Variants in POU2F1 observed in about 807,000 individuals in gnomAD.
POU2F1 encodes POU class 2 homeobox 1, also known as POU domain, class 2, transcription factor 1.
Under a neutral mutation model 84.9 loss-of-function variants are expected in POU2F1, and 16 were observed. The ratio of observed to expected loss-of-function variants is 0.19; its 90% confidence interval spans 0.13 to 0.29. POU2F1 has a LOEUF of 0.29. Among genes scored for constraint, POU2F1 ranks in the 10% least tolerant of loss-of-function variants. The pLI, the probability that POU2F1 is intolerant of heterozygous loss-of-function variation, is 1.00. For missense variants in POU2F1, 738 were observed against 942.6 expected (o/e 0.78, Z 2.84); for synonymous variants, 368 against 368.3 (o/e 1.00, Z 0.01).
In POU2F1 at chr1:167,425,731, G is replaced by T. The variant is rs537474835; in HGVS notation, c.*9921G>T. 7 of 152,388 alleles carry T rather than the reference G, an allele frequency of 4.6e-5. No individual in the cohort carries two copies. The highest frequency in any genetic ancestry group is 1.2e-4 in the African/African-American group (5 of 41,548). The allele number at this position is 152,388 out of a possible 1,614,324, so 9.4% of individuals were successfully genotyped here. Reference sequence around the variant, plus strand: ...CTCTGCTGGGTGCTTTAACCTCTGGGGCTGGGCGAATGCACGCCACGGTGC... The same window carrying T: ...CTCTGCTGGGTGCTTTAACCTCTGGTGCTGGGCGAATGCACGCCACGGTGC... On this transcript the variant is annotated 3_prime_UTR_variant, in exon 16 of 16. Coordinates refer to ENST00000367866, the MANE Select transcript of POU2F1 (RefSeq NM_002697.4).
intron 1 of POU2F1, among the ~76,000 whole-genome samples, chr1:167,236,067 A>T (rs1649429825): frequency 6.6e-6 from 1 of 151,746 alleles, no homozygotes; most frequent in Non-Finnish European, 1.5e-5. Flanking sequence ...GATGAAAAAC[A>T]CTTCATTGCT....
chr1:167,377,296 G>C (rs1660393315), intron 7 of POU2F1, among the ~76,000 whole-genome samples: 1 of 152,100 alleles, frequency 6.6e-6, no homozygotes, highest in Non-Finnish European at 1.5e-5. Context: ...TTATTTAAGA[G>C]TCATTAATGG....
Position 167,412,169 on chromosome 1 carries a change from C to T in POU2F1, c.1766C>T (p.Ala589Val). 1 of 1,614,142 alleles carries T rather than the reference C, an allele frequency of 6.2e-7. No individual in the cohort carries two copies. The highest frequency in any genetic ancestry group is 1.6e-4 in the Middle Eastern group (1 of 6,062). Reference sequence around the variant, plus strand: ...GGGACCAGCCAGGTGATGGTGACAGCATCAGGTTTGCAAACAGCAGCAGCT... The same window carrying T: ...GGGACCAGCCAGGTGATGGTGACAGTATCAGGTTTGCAAACAGCAGCAGCT... ...PLGTSQVMVT[A>V]SGLQTAAAAA... The change falls in exon 14 of 16, where the codon GCA becomes GTA. Residue 589 changes from alanine to valine, a missense_variant. Around this residue, in one of 4 missense-constraint regions of POU2F1, gnomAD observed 319 missense variants for 386.0 expected, o/e 0.83. Transcript: ENST00000367866.
intron 1 of POU2F1, among the ~76,000 whole-genome samples, chr1:167,310,470 A>G (rs906420838): frequency 3.9e-5 from 6 of 152,128 alleles, no homozygotes; most frequent in African/African-American, 1.4e-4. Context: ...TAATGAATCT[A>G]TGGAGCTATG....
At chr1:167,377,356 G>A (rs1420839881) in intron 7 of POU2F1, among the ~76,000 whole-genome samples, 3 of 152,182 alleles carry the variant, frequency 2.0e-5, no homozygotes, top group Non-Finnish European at 2.9e-5. Flanking sequence ...TGAGGCCGAG[G>A]CAGGCAGATC....
intron 1 of POU2F1, among the ~76,000 whole-genome samples, chr1:167,300,778 T>C (rs984023312): frequency 6.6e-6 from 1 of 151,848 alleles, no homozygotes; most frequent in Admixed American, 6.6e-5. Context: ...TTTTTATTTT[T>C]TATTTTTTTG....
intron 2 of POU2F1, chr1:167,338,144 T>C: frequency 2.1e-6 from 1 of 467,236 alleles, no homozygotes; most frequent in South Asian, 1.5e-5. Flanking sequence ...TTCCAGCTTT[T>C]TGTCTTCTGC....
chr1:167,322,203 A>G (rs1429110072), intron 1 of POU2F1, among the ~76,000 whole-genome samples: 2 of 152,122 alleles, frequency 1.3e-5, no homozygotes, highest in African/African-American at 4.8e-5. Context: ...GCTTTGCCTT[A>G]TTTGTGCTTC....
chr1:167,245,865 A>G (rs1260206788), intron 1 of POU2F1, among the ~76,000 whole-genome samples: 14 of 152,368 alleles, frequency 9.2e-5, no homozygotes, highest in Middle Eastern at 3.4e-3. Context: ...CTCAACTCAA[A>G]TAATTTCTGA....
At chr1:167,366,586 T>C (rs1659696809) in intron 3 of POU2F1, among the ~76,000 whole-genome samples, 1 of 152,198 alleles carries the variant, frequency 6.6e-6, no homozygotes, top group Non-Finnish European at 1.5e-5. Flanking sequence ...ATGGATATCA[T>C]GTAGGCAGCA....
chr1:167,262,923 C>T lies in POU2F1; in HGVS notation c.61+41965C>T, dbSNP rs6701805. Among the ~76,000 whole-genome samples, 349 of 152,158 alleles carry T rather than the reference C, an allele frequency of 2.3e-3. 2 individuals carry two copies. Among genetic ancestry groups the T allele is most frequent in the African/African-American group, 8.1e-3 (335 of 41,514 alleles). On this transcript the variant is annotated intron_variant, in intron 1 of 15. Transcript: ENST00000367866. ...GGAGAGAAAAGTACATAAATTGGGG[C>T]CAGTTTATGTAGAGTCTTAAATATC...
At chr1:167,333,712 C>T (rs1657228850) in intron 2 of POU2F1, among the ~76,000 whole-genome samples, 1 of 152,158 alleles carries the variant, frequency 6.6e-6, no homozygotes, top group Non-Finnish European at 1.5e-5. Context: ...TGAGGCTAGC[C>T]AAGTAGACTT....
chr1:167,284,796 A>T (rs1231635639), intron 1 of POU2F1, among the ~76,000 whole-genome samples: 2 of 152,176 alleles, frequency 1.3e-5, no homozygotes, highest in Non-Finnish European at 2.9e-5. Context: ...ACAGTGGTAG[A>T]CTTTCTACTT....
chr1:167,254,248 A>T (rs1418983468), intron 1 of POU2F1, among the ~76,000 whole-genome samples: 1 of 152,236 alleles, frequency 6.6e-6, no homozygotes. Context: ...GATGGAATAC[A>T]TATAAAACAT....
intron 1 of POU2F1, among the ~76,000 whole-genome samples, chr1:167,320,471 C>T (rs977017653): frequency 1.1e-4 from 17 of 152,130 alleles, no homozygotes; most frequent in African/African-American, 4.8e-5. Flanking sequence ...TAGAGAATAC[C>T]TACAAAGTCA....
At chr1:167,360,583 T>G (rs959508698) in intron 2 of POU2F1, among the ~76,000 whole-genome samples, 3 of 152,212 alleles carry the variant, frequency 2.0e-5, no homozygotes, top group African/African-American at 7.2e-5. Context: ...CCATGCTGTT[T>G]CATTAAGTAG....
At chr1:167,373,022 T>C (rs564085461) in intron 5 of POU2F1, among the ~76,000 whole-genome samples, 19 of 152,106 alleles carry the variant, frequency 1.2e-4, no homozygotes, top group African/African-American at 4.6e-4. Flanking sequence ...GTTCACAAAA[T>C]CCCATGAGTA....
At chr1:167,292,055 A>G (rs1653961855) in intron 1 of POU2F1, among the ~76,000 whole-genome samples, 1 of 152,060 alleles carries the variant, frequency 6.6e-6, no homozygotes, top group Non-Finnish European at 1.5e-5. Flanking sequence ...GTCTGTGTAC[A>G]CAAATATTTA....
intron 2 of POU2F1, among the ~76,000 whole-genome samples, chr1:167,337,207 C>G (rs4657656): frequency 0.73 from 110,061 of 150,302 alleles, 40,449 homozygotes; most frequent in East Asian, 0.87. Flanking sequence ...CACACCTGTA[C>G]TCCCAGCTGC....
Sources: gnomAD v4.1 joint callset for allele counts (sites outside exome capture counted in the v4.1 genomes callset) on GRCh38, gnomAD v4.1.1 for gene constraint, gnomAD v4.1.1 regional missense constraint, MANE v1.5 for transcripts, NCBI Gene and HGNC (gene_info 2026-07-23, HGNC 2026-07-21) for gene names.